Variants in TLL2 observed in about 807,000 individuals in gnomAD.
TLL2 encodes tolloid-like protein 2.
In TLL2, 106 loss-of-function variants were observed where a neutral mutation model predicts 123.0. The ratio of observed to expected loss-of-function variants is 0.86; its 90% CI spans 0.74 to 1.01. The LOEUF (loss-of-function observed/expected upper bound fraction) is 1.01, where lower values mean the gene tolerates loss of function less well. Ranked by LOEUF, TLL2 falls within the 50% of genes least tolerant of loss-of-function variation. The pLI, the probability that TLL2 is intolerant of heterozygous loss-of-function variation, is 0.00. For missense variants in TLL2, 1,332 were observed against 1,336.7 expected (o/e 1.00, Z 0.06); for synonymous variants, 494 against 516.8 (o/e 0.96, Z 0.60).
chr10:96,484,590 T>TAC (rs56286214), intron 1 of TLL2, among the ~76,000 whole-genome samples: 34,782 of 145,684 alleles, frequency 0.24, 4,155 homozygotes, highest in Middle Eastern at 0.34. Context: ...TACACATAAG[T>TAC]ACACACACAC....
intron 10 of TLL2, among the ~76,000 whole-genome samples, chr10:96,399,720 C>T (rs573270792): frequency 3.9e-5 from 6 of 152,318 alleles, no homozygotes; most frequent in East Asian, 3.9e-4. Flanking sequence ...TAGACAGTGC[C>T]GGTTCACAAA....
intron 2 of TLL2, among the ~76,000 whole-genome samples, chr10:96,476,240 A>ATATATATATATATATATTTTTTT: frequency 4.9e-5 from 1 of 20,498 alleles, no homozygotes; most frequent in Non-Finnish European, 1.0e-4. Context: ...ATATATATAT[A>ATATATATATATATATATTTTTTT]TTTTATTTTT....
At chr10:96,494,649 C>CCA (rs1847453231) in intron 1 of TLL2, among the ~76,000 whole-genome samples, 1 of 152,236 alleles carries the variant, frequency 6.6e-6, no homozygotes, top group African/African-American at 2.4e-5. Context: ...TGCAGTGGCT[C>CCA]TGTATCTTGG....
In TLL2 at chr10:96,480,366, G is replaced by GC. The variant is rs1564915871; in HGVS notation, c.268dup (p.Ala90GlyfsTer10). ...GTACCTACCTGTGCTGTGTCCTGTT[G>GC]CCCCCACTGTCTGCTTGGTCCAGTC... On this transcript the variant is annotated frameshift_variant, in exon 2 of 21. Coordinates refer to ENST00000357947, the MANE Select transcript of TLL2 (RefSeq NM_012465.4). LOFTEE classifies it high-confidence loss of function. 6.2e-7 allele frequency: 1 copy of GC among 1,614,006 alleles called. No homozygotes were observed. The highest frequency in any genetic ancestry group is 8.5e-7 in the Non-Finnish European group (1 of 1,179,994).
chr10:96,413,259 G>C lies in TLL2; in HGVS notation c.981C>G (p.Thr327=). Residue 327 remains threonine (T), a synonymous_variant, in exon 8 of 21, where the codon ACC becomes ACG. Transcript: ENST00000357947. ...GACTGAGCCGCACGCGCTGGCCAAT[G>C]GTTGGCCTGACGCCATTGTCATCTT... is the stretch of plus-strand genomic sequence containing the variant. ...PRQDDNGVRP[T]IGQRVRLSQG... is the part of the protein sequence containing the mutation. The C allele has an allele frequency of 1.2e-6, 2 of 1,614,172 alleles. No individual in the cohort carries two copies. The highest frequency in any genetic ancestry group is 1.7e-6 in the Non-Finnish European group (2 of 1,180,010).
rs777268778 is a variant in TLL2, at chr10:96,384,707, C to G, written c.2074G>C (p.Gly692Arg). The change falls in exon 16 of 21, where the codon GGC becomes CGC. Residue 692 changes from glycine to arginine, a missense_variant. Coordinates refer to ENST00000357947, the MANE Select transcript of TLL2 (RefSeq NM_012465.4). ...GGCGTCTCAGAGCCGCAGAACCTGC[C>G]GTGCAGCTTGGCGTCGGGGGACAGG... ...SGLSPDAKLH[G>R]RFCGSETPEV... The G allele has an allele frequency of 2.5e-6, 4 of 1,611,962 alleles. No homozygotes were observed. The highest frequency in any genetic ancestry group is 3.4e-6 in the Non-Finnish European group (4 of 1,178,632).
chr10:96,436,658 G>A (rs1846797892), intron 3 of TLL2, among the ~76,000 whole-genome samples: 1 of 151,726 alleles, frequency 6.6e-6, no homozygotes, highest in Non-Finnish European at 1.5e-5. Context: ...TCATAATAAT[G>A]ATTGTTTTGT....
Position 96,432,896 on chromosome 10 carries a change from GAGA to G in TLL2, c.428_430del (p.Phe143del), listed in dbSNP as rs1449714956. 2 of 1,614,030 alleles carry G rather than the reference GAGA, an allele frequency of 1.2e-6. No individual in the cohort carries two copies. Among genetic ancestry groups the G allele is most frequent in the Admixed American group, 1.7e-5 (1 of 60,000 alleles). On this transcript the variant is annotated inframe_deletion, in exon 4 of 21. Transcript: ENST00000357947. ...GGTTGTGGCTCTTCGGACCCGGGGA[GAGA>G]AGGTCTTGGCTGCGGCATGCAAGGT...
Position 96,373,724 on chromosome 10 carries a change from G to A in TLL2, c.2534C>T (p.Pro845Leu). 2.5e-6 allele frequency: 4 copies of A among 1,614,248 alleles called. No homozygotes were observed. Among genetic ancestry groups the A allele is most frequent in the South Asian group, 2.2e-5 (2 of 91,084 alleles). The change falls in exon 19 of 21, where the codon CCC (proline) becomes CTC (leucine). Residue 845 changes from proline to leucine, a missense_variant. Transcript: ENST00000357947. Reference sequence around the variant, plus strand: ...GCTGCCGCAGAAACGGCCCAGAATGGGGGCCAGGCTGTCCGGCCCGTCATA... The same window carrying A: ...GCTGCCGCAGAAACGGCCCAGAATGAGGGCCAGGCTGTCCGGCCCGTCATA... ...EMYDGPDSLA[P>L]ILGRFCGSKK... is the part of the protein sequence containing the mutation.
intron 1 of TLL2, among the ~76,000 whole-genome samples, chr10:96,512,407 G>C (rs922956901): frequency 6.6e-6 from 1 of 152,274 alleles, no homozygotes; most frequent in Admixed American, 6.5e-5. Context: ...GGAACTGATA[G>C]AGGTTTCCAG....
chr10:96,384,902 G>T, intron 15 of TLL2, 135 bp from the exon 16 acceptor site: 3 of 837,164 alleles, frequency 3.6e-6, no homozygotes, highest in African/African-American at 1.8e-5. Context: ...CTCTTGCTAC[G>T]CCGGTTATTT....
intron 2 of TLL2, 45 bp downstream of exon 2, chr10:96,480,304 T>C: frequency 6.5e-7 from 1 of 1,536,548 alleles, no homozygotes; most frequent in Non-Finnish European, 9.0e-7. Flanking sequence ...CTGAAGTCCC[T>C]CATCCCTCCC....
chr10:96,372,309 G>C (rs1237952871), intron 19 of TLL2, among the ~76,000 whole-genome samples: 1 of 152,174 alleles, frequency 6.6e-6, no homozygotes, highest in Non-Finnish European at 1.5e-5. Flanking sequence ...AAAAAAACTG[G>C]AGGTAGAGGC....
At chr10:96,502,279 C>A (rs776418757) in intron 1 of TLL2, among the ~76,000 whole-genome samples, 8 of 152,188 alleles carry the variant, frequency 5.3e-5, no homozygotes, top group Non-Finnish European at 8.8e-5. Context: ...ATCCCAAGTG[C>A]AATGGGGTGA....
intron 16 of TLL2, among the ~76,000 whole-genome samples, chr10:96,381,197 C>A (rs1846184569): frequency 6.6e-6 from 1 of 152,200 alleles, no homozygotes; most frequent in African/African-American, 2.4e-5. Flanking sequence ...CTCCTGCCCC[C>A]TGCCCTGCTG....
chr10:96,435,028 T>G (rs912220272), intron 3 of TLL2, among the ~76,000 whole-genome samples: 1 of 151,306 alleles, frequency 6.6e-6, no homozygotes, highest in Non-Finnish European at 1.5e-5. Context: ...CATTTCCTTT[T>G]TTTTTTCTTT....
At chr10:96,496,776 G>A (rs1413512234) in intron 1 of TLL2, among the ~76,000 whole-genome samples, 2 of 152,198 alleles carry the variant, frequency 1.3e-5, no homozygotes, top group Admixed American at 1.3e-4. Flanking sequence ...TATCTGCAAG[G>A]CTGTTTAAGT....
intron 3 of TLL2, among the ~76,000 whole-genome samples, chr10:96,434,981 A>T (rs1359849429): frequency 6.6e-6 from 1 of 150,614 alleles, no homozygotes; most frequent in East Asian, 1.9e-4. Context: ...TCATTTGTGT[A>T]TCTTCTTCAG....
At chr10:96,494,186 C>T (rs372480774) in intron 1 of TLL2, among the ~76,000 whole-genome samples, 2 of 152,192 alleles carry the variant, frequency 1.3e-5, no homozygotes, top group East Asian at 1.9e-4. Context: ...CACCCCTCCG[C>T]ACTGAAGATT....
Sources: gnomAD v4.1 joint callset for allele counts (sites outside exome capture counted in the v4.1 genomes callset) on GRCh38, gnomAD v4.1.1 for gene constraint, MANE v1.5 for transcripts, NCBI Gene and HGNC (gene_info 2026-07-23, HGNC 2026-07-21) for gene names.